The following CCDC3 variants were observed in gnomAD, a reference collection of about 807,000 sequenced individuals.
CCDC3 encodes the protein coiled-coil domain-containing protein 3.
A neutral mutation model predicts 21.4 loss-of-function variants in CCDC3; 24 were observed. The ratio of observed to expected loss-of-function variants is 1.12; its 90% confidence interval spans 0.81 to 1.58. CCDC3 has a LOEUF of 1.58. Ranked by LOEUF, CCDC3 falls within the 40% of genes most tolerant of loss-of-function variation. The pLI is 0.00. For missense variants in CCDC3, 425 were observed against 360.9 expected, an observed-to-expected ratio of 1.18 and a Z score of -1.44; for synonymous variants, 186 against 166.0, an observed-to-expected ratio of 1.12 and a Z score of -0.93.
chr10:12,970,651 G>C (rs762091994), intron 2 of CCDC3, among the ~76,000 whole-genome samples: 4 of 152,180 alleles, frequency 2.6e-5, no homozygotes, highest in Non-Finnish European at 5.9e-5. Flanking sequence ...GGCCGAGGCA[G>C]GGCAACTGGG....
rs116757605 is a variant in CCDC3, at chr10:13,058,610, G to A, written c.-269-8669C>T. The stretch of plus-strand genomic sequence containing the variant: ...TAGTAATCCGTTTTACCCTCTCGTC[G>A]TCTTCTAAACGTCACTTGGTATCTC... On this transcript the variant is annotated intron_variant, in intron 4 of 6. Coordinates refer to the CCDC3 transcript ENST00000378839. 382 of 622,404 alleles carry A rather than the reference G, an allele frequency of 6.1e-4. 1 individual carries two copies. The African/African-American group carries it at 6.5e-3, about 11-fold the overall frequency. The allele number at this position is 622,404 out of a possible 1,614,324, so 38.6% of individuals were successfully genotyped here.
intron 2 of CCDC3, among the ~76,000 whole-genome samples, chr10:12,949,852 A>G (rs901471202): frequency 6.6e-6 from 1 of 152,194 alleles, no homozygotes; most frequent in Non-Finnish European, 1.5e-5. Context: ...ACTGTCAAGA[A>G]ATTAGGTGGT....
chr10:12,914,091 A>G (rs1834310898), intron 2 of CCDC3, among the ~76,000 whole-genome samples: 1 of 152,200 alleles, frequency 6.6e-6, no homozygotes, highest in Admixed American at 6.5e-5. Context: ...GAGTGATGCC[A>G]TGTACGGTGA....
At chr10:12,907,987 G>A (rs1588999168) in intron 2 of CCDC3, among the ~76,000 whole-genome samples, 2 of 152,204 alleles carry the variant, frequency 1.3e-5, no homozygotes, top group East Asian at 1.9e-4. Flanking sequence ...TGGGAAGCAG[G>A]GGGACAAGAT....
Position 13,040,835 on chromosome 10 carries a change from G to A in CCDC3, c.-2+8839C>T, listed in dbSNP as rs983931655. ...TCAGGTAGCCTTTGAAGGTGACCTT[G>A]TATTATGTACGATGCTGGAGTCCTA... On this transcript the variant is annotated intron_variant, in intron 5 of 6. Coordinates refer to the CCDC3 transcript ENST00000378839. Among the ~76,000 whole-genome samples the A allele has an allele frequency of 1.2e-4, 19 of 152,206 alleles. 1 individual carries two copies. Among genetic ancestry groups the A allele is most frequent in the Admixed American group, 1.2e-3 (18 of 15,284 alleles).
intron 5 of CCDC3, among the ~76,000 whole-genome samples, chr10:13,040,783 A>T (rs1404905696): frequency 6.6e-6 from 1 of 152,066 alleles, no homozygotes; most frequent in African/African-American, 2.4e-5. Flanking sequence ...CCAGGTTACT[A>T]AACTGGCCAC....
chr10:13,089,909 G>C (rs2131453978), intron 3 of CCDC3, among the ~76,000 whole-genome samples: 1 of 149,030 alleles, frequency 6.7e-6, no homozygotes, highest in East Asian at 2.0e-4. Context: ...CTGTGAGTGA[G>C]AACATACGAT....
chr10:12,946,683 G>GT (rs1834921142), intron 2 of CCDC3, among the ~76,000 whole-genome samples: 1 of 152,132 alleles, frequency 6.6e-6, no homozygotes, highest in South Asian at 2.1e-4. Flanking sequence ...TTTATCTACA[G>GT]TTTTTCACAG....
intron 2 of CCDC3, among the ~76,000 whole-genome samples, chr10:12,958,271 A>G (rs917288488): frequency 1.3e-5 from 2 of 152,238 alleles, no homozygotes; most frequent in Non-Finnish European, 2.9e-5. Context: ...AGAAACTTCC[A>G]CTTGGGATAA....
chr10:12,924,305 G>A (rs1834499973), intron 2 of CCDC3, among the ~76,000 whole-genome samples: 1 of 152,182 alleles, frequency 6.6e-6, no homozygotes, highest in South Asian at 2.1e-4. Flanking sequence ...TTGAAGACAT[G>A]GAGGGCATTG....
intron 5 of CCDC3, among the ~76,000 whole-genome samples, chr10:13,031,997 C>CA (rs1296260891): frequency 6.6e-6 from 1 of 152,028 alleles, no homozygotes; most frequent in Non-Finnish European, 1.5e-5. Context: ...TTTATGAGGC[C>CA]AGCATCATCC....
chr10:13,087,998 G>A (rs1386061433), intron 3 of CCDC3, among the ~76,000 whole-genome samples: 1 of 152,190 alleles, frequency 6.6e-6, no homozygotes, highest in Admixed American at 6.5e-5. Flanking sequence ...AAGTCTTTGT[G>A]TGCGTTTGAG....
intron 2 of CCDC3, among the ~76,000 whole-genome samples, chr10:12,963,087 A>C (rs1835204691): frequency 1.3e-5 from 2 of 152,240 alleles, no homozygotes; most frequent in Admixed American, 1.3e-4. Flanking sequence ...CTGCAGTTAA[A>C]CACCACTTTC....
At chr10:13,084,601 C>G (rs945216459) in intron 3 of CCDC3, among the ~76,000 whole-genome samples, 1 of 152,094 alleles carries the variant, frequency 6.6e-6, no homozygotes, top group Non-Finnish European at 1.5e-5. Context: ...TTTACTTTCT[C>G]AATAAACTTG....
At chr10:13,006,642 G>C (rs75201108), upstream of CCDC3, among the ~76,000 whole-genome samples, 551 of 152,328 alleles carry the variant, frequency 3.6e-3, 2 homozygotes, top group Admixed American at 0.013. Flanking sequence ...GGGTCAGAGA[G>C]AAAATGTGGG....
chr10:12,993,633 C>A (rs908076238), intron 2 of CCDC3, among the ~76,000 whole-genome samples: 1 of 152,130 alleles, frequency 6.6e-6, no homozygotes, highest in Non-Finnish European at 1.5e-5. Flanking sequence ...GGAAAAATGT[C>A]CTTGGCTGGT....
At chr10:13,008,228 C>T (rs531900304) in intron 5 of CCDC3, among the ~76,000 whole-genome samples, 12 of 152,186 alleles carry the variant, frequency 7.9e-5, no homozygotes, top group Non-Finnish European at 1.6e-4. Context: ...ATAGGGGTAA[C>T]ATCCACAAGG....
chr10:13,030,249 T>C (rs1250535326), intron 5 of CCDC3, among the ~76,000 whole-genome samples: 1 of 152,140 alleles, frequency 6.6e-6, no homozygotes, highest in Admixed American at 6.5e-5. Context: ...CTAAGCTTCA[T>C]AAGTGAAGGA....
intron 5 of CCDC3, among the ~76,000 whole-genome samples, chr10:13,006,818 G>C (rs769817590): frequency 9.9e-5 from 15 of 152,156 alleles, no homozygotes; most frequent in Non-Finnish European, 1.8e-4. Context: ...AGCTAGGTAA[G>C]GGGCTTCAGT....
Sources: allele counts gnomAD v4.1 joint callset (sites outside exome capture counted in the v4.1 genomes callset), GRCh38; gene constraint gnomAD v4.1.1; transcripts MANE v1.5; gene names NCBI Gene and HGNC (gene_info 2026-07-23, HGNC 2026-07-21).